The following ADAT2 variants were observed in gnomAD, a reference collection of about 807,000 sequenced individuals.
The protein encoded by ADAT2 is tRNA-specific adenosine-34 deaminase catalytic subunit ADAT2.
Under a neutral mutation model 25.9 loss-of-function variants are expected in ADAT2, and 26 were observed. The observed-to-expected ratio is 1.00, with a 90% CI of 0.74 to 1.39. The LOEUF is 1.39. ADAT2 is among the 40% of genes most tolerant of loss of function. ADAT2 has a pLI of 0.00. For synonymous variants in ADAT2, 76 were observed against 86.8 expected (o/e 0.88, Z 0.69); for missense variants, 220 against 244.8 (o/e 0.90, Z 0.68).
chr6:143,440,180 C>T lies in ADAT2; in HGVS notation c.97-1486G>A, dbSNP rs527744442. On this transcript the variant is annotated intron_variant, in intron 1 of 5. Transcript: ENST00000237283. The surrounding 1 kb of genome is among the most constrained non-coding windows in gnomAD (Gnocchi z 4.5). The stretch of plus-strand genomic sequence containing the variant: ...TGCTGTACAGCTGTTTCCAGAAAGG[C>T]AAGGTATTCCTTACTGTGGCAGCCC... 5.1e-4 allele frequency among the ~76,000 whole-genome samples: 77 copies of T among 152,248 alleles called. No individual in the cohort carries two copies. The highest frequency in any genetic ancestry group is 2.2e-3 in the Admixed American group (34 of 15,296).
At position 143,428,652 on chromosome 6, in the gene ADAT2, C is replaced by A; in HGVS notation, c.492G>T (p.Val164=). 1 of 1,614,000 alleles carries A rather than the reference C, an allele frequency of 6.2e-7. No homozygotes were observed. Among genetic ancestry groups the A allele is most frequent in the East Asian group, 2.2e-5 (1 of 44,850 alleles). ...GTTTGTAGAAGGTCTTTAACATTTC[C>A]ACTGCTTCCTCAGCCCGATATCCAG... The part of the protein sequence containing the change: ...CIPGYRAEEA[V]EMLKTFYKQE... Residue 164 remains valine, a synonymous_variant, in exon 5 of 6, where the codon GTG becomes GTT. Transcript: ENST00000237283. This position sits in a 1 kb window ranked among gnomAD's most constrained non-coding sequence, Gnocchi z 5.0.
chr6:143,434,056 A>G lies in ADAT2; in HGVS notation c.202-75T>C. On this transcript the variant is annotated intron_variant, in intron 2 of 5. Transcript: ENST00000237283. This position sits in a 1 kb window ranked among gnomAD's most constrained non-coding sequence, Gnocchi z 4.5. ...CTATTTTACAAATATACAAAAACTAAGTACAAAATATGCGCCTATCCTTTC... is the reference window on the plus strand; with the variant it reads ...CTATTTTACAAATATACAAAAACTAGGTACAAAATATGCGCCTATCCTTTC... 1 of 1,560,884 alleles carries G rather than the reference A, an allele frequency of 6.4e-7. No individual in the cohort carries two copies. The highest frequency in any genetic ancestry group is 8.7e-7 in the Non-Finnish European group (1 of 1,147,402).
intron 1 of ADAT2, chr6:143,441,314 T>C (rs1054210569): frequency 6.6e-6 from 1 of 152,140 alleles, no homozygotes; most frequent in Admixed American, 6.5e-5. Flanking sequence ...TATAAAGGAC[T>C]CTTAAAACTC....
At chr6:143,438,537 C>T (rs887680693) in intron 2 of ADAT2, 53 bp downstream of exon 2, 5 of 1,406,876 alleles carry the variant, frequency 3.6e-6, no homozygotes, top group South Asian at 3.5e-5. Context: ...AAATTCTCTC[C>T]AGTCCACCCA....
chr6:143,447,029 T>C (rs1300503909), intron 1 of ADAT2, among the ~76,000 whole-genome samples: 1 of 152,218 alleles, frequency 6.6e-6, no homozygotes, highest in Non-Finnish European at 1.5e-5. Context: ...TGCTTAGCTC[T>C]CAGAAAGAAA....
At chr6:143,450,514 G>A (rs764407800) in intron 1 of ADAT2, 49 bp downstream of exon 1, 3 of 1,591,270 alleles carry the variant, frequency 1.9e-6, no homozygotes, top group Non-Finnish European at 2.6e-6. Flanking sequence ...TCGGGTTGAG[G>A]GCTGGAGAAA....
At position 143,440,088 on chromosome 6, in the gene ADAT2, G is replaced by A. The variant is rs967019478; in HGVS notation, c.97-1394C>T. On this transcript the variant is annotated intron_variant, in intron 1 of 5. Transcript: ENST00000237283. This position sits in a 1 kb window ranked among gnomAD's most constrained non-coding sequence, Gnocchi z 4.5. ...ATACTGCCTCTGAGAGTCAGAATAA[G>A]GGAAGAGTACAACCCTTGGACTAGT... Among the ~76,000 whole-genome samples the A allele has an allele frequency of 2.0e-5, 3 of 152,130 alleles. No homozygotes were observed. Among genetic ancestry groups the A allele is most frequent in the African/African-American group, 7.2e-5 (3 of 41,422 alleles).
At position 143,442,311 on chromosome 6, in the gene ADAT2, G is replaced by A. The variant is rs1045730376; in HGVS notation, c.97-3617C>T. Reference sequence around the variant, plus strand: ...TGAATGGAGAAAGCCAAGCCAAATGGTTACAGATTCATGTACATAGCATTT... The same window carrying A: ...TGAATGGAGAAAGCCAAGCCAAATGATTACAGATTCATGTACATAGCATTT... On this transcript the variant is annotated intron_variant, in intron 1 of 5. Coordinates refer to ENST00000237283, the MANE Select transcript of ADAT2 (RefSeq NM_182503.3). This position sits in a 1 kb window ranked among gnomAD's most constrained non-coding sequence, Gnocchi z 4.6. Among the ~76,000 whole-genome samples the A allele has an allele frequency of 1.3e-5, 2 of 151,760 alleles. No homozygotes were observed. Among genetic ancestry groups the A allele is most frequent in the African/African-American group, 4.9e-5 (2 of 41,230 alleles).
In ADAT2 at chr6:143,444,347, G is replaced by A. The variant is rs561590376; in HGVS notation, c.97-5653C>T. 2.0e-5 allele frequency among the ~76,000 whole-genome samples: 3 copies of A among 152,296 alleles called. 1 individual carries two copies. In the East Asian group the frequency reaches 5.8e-4, roughly 29 times the overall value. ...GGTAAGCAACTGGAATGGTAGGCAG[G>A]GGAGGGGGCGGTGAGAATAACACAA... On this transcript the variant is annotated intron_variant, in intron 1 of 5. Transcript: ENST00000237283. This position sits in a 1 kb window ranked among gnomAD's most constrained non-coding sequence, Gnocchi z 4.3.
intron 1 of ADAT2, among the ~76,000 whole-genome samples, chr6:143,441,138 G>A (rs989906741): frequency 1.3e-5 from 2 of 152,162 alleles, no homozygotes; most frequent in South Asian, 2.1e-4. Flanking sequence ...CTGGCCTCCA[G>A]AACTATAAGA....
rs982795823 is a variant in ADAT2 at position 143,425,940 on chromosome 6, T to C, written c.*2523A>G. On this transcript the variant is annotated 3_prime_UTR_variant, in exon 6 of 6. Transcript: ENST00000237283. ...GTAACAAGAAAGCACAAAGATATTT[T>C]AACATGATCTTTTATCAGTGATTGA... 1 of 152,572 alleles carries C rather than the reference T, an allele frequency of 6.6e-6. No individual in the cohort carries two copies. The highest frequency in any genetic ancestry group is 2.4e-5 in the African/African-American group (1 of 41,422). The allele number at this position is 152,572 out of a possible 1,614,324, so 9.5% of individuals were successfully genotyped here. A position where few individuals can be genotyped will look rare whatever the true frequency, so the allele number is the denominator to read the frequency against.
chr6:143,425,733 T>TGTGTG lies in ADAT2; in HGVS notation c.*2729_*2730insCACAC, dbSNP rs1778912429. On this transcript the variant is annotated 3_prime_UTR_variant, in exon 6 of 6. Coordinates refer to ENST00000237283, the MANE Select transcript of ADAT2 (RefSeq NM_182503.3). ...GGTAAAGGGCCATGGTGTGTTGTGT[T>TGTGTG]TGTGTGTGTGTGTGTGTGTGTGTGT... 1.0e-4 allele frequency: 14 copies of TGTGTG among 136,586 alleles called. No individual in the cohort carries two copies. The East Asian group carries it at 1.4e-3, about 13-fold the overall frequency. 8.5% of individuals were successfully genotyped at this position (136,586 alleles called of 1,614,324 possible).
intron 1 of ADAT2, among the ~76,000 whole-genome samples, chr6:143,439,990 T>C (rs1400035249): frequency 6.6e-6 from 1 of 152,184 alleles, no homozygotes; most frequent in Non-Finnish European, 1.5e-5. Flanking sequence ...ATAGCAGCTC[T>C]GGGCCCTAGG....
At position 143,428,680 on chromosome 6, in the gene ADAT2, A is replaced by T; in HGVS notation, c.464T>A (p.Ile155Asn). Reference sequence around the variant, plus strand: ...TGCTTCCTCAGCCCGATATCCAGGGATACACTGATGGAATGAGAAAGTTGA... The same window carrying T: ...TGCTTCCTCAGCCCGATATCCAGGGTTACACTGATGGAATGAGAAAGTTGA... ...LPNTGRPFQCIPGYRAEEAVE... is the reference protein window; with the variant it reads ...LPNTGRPFQCNPGYRAEEAVE... Residue 155 changes from isoleucine to asparagine, a missense_variant, in exon 5 of 6, where the codon ATC (isoleucine) becomes AAC (asparagine). Coordinates refer to ENST00000237283, the MANE Select transcript of ADAT2 (RefSeq NM_182503.3). The surrounding 1 kb of genome is among the most constrained non-coding windows in gnomAD (Gnocchi z 5.0). The T allele has an allele frequency of 6.2e-7, 1 of 1,613,992 alleles. No homozygotes were observed. Among genetic ancestry groups the T allele is most frequent in the African/African-American group, 1.3e-5 (1 of 75,056 alleles).
At position 143,432,483 on chromosome 6, in the gene ADAT2, A is replaced by G; in HGVS notation, c.459+22T>C. ...ATGAAAATAATTAGCAAGAAAGAAA[A>G]AGCATAAGCAGTTTGTATTACCTGA... On this transcript the variant is annotated intron_variant, in intron 4 of 5. Coordinates refer to ENST00000237283, the MANE Select transcript of ADAT2 (RefSeq NM_182503.3). This position sits in a 1 kb window ranked among gnomAD's most constrained non-coding sequence, Gnocchi z 4.4. 1 of 1,596,528 alleles carries G rather than the reference A, an allele frequency of 6.3e-7. No individual in the cohort carries two copies. The highest frequency in any genetic ancestry group is 8.6e-7 in the Non-Finnish European group (1 of 1,164,070).
chr6:143,447,452 A>G (rs1377304836), intron 1 of ADAT2, among the ~76,000 whole-genome samples: 3 of 152,198 alleles, frequency 2.0e-5, no homozygotes, highest in Non-Finnish European at 4.4e-5. Flanking sequence ...GCTGATAATC[A>G]AAAAGAGAAC....
At chr6:143,430,603 C>G (rs1230885545) in intron 4 of ADAT2, among the ~76,000 whole-genome samples, 2 of 152,066 alleles carry the variant, frequency 1.3e-5, no homozygotes, top group African/African-American at 4.8e-5. Context: ...ACTCTGTCGC[C>G]CAGGCTGGAG....
rs564103702 is a variant in ADAT2, at chr6:143,450,639, G to A, written c.20C>T (p.Pro7Leu). ...GCACGCGCCGCTTGCAGCTGGCTTG[G>A]GTGCCGCCTTCGCCTCCATACCCAG... is the stretch of plus-strand genomic sequence containing the variant. The part of the protein sequence containing the change: MEAKAA[P>L]KPAASGACSV... Residue 7 changes from proline (P) to leucine (L), a missense_variant, in exon 1 of 6, where the codon CCC (proline) becomes CTC (leucine). Transcript: ENST00000237283. 1.3e-5 allele frequency: 21 copies of A among 1,613,784 alleles called. No individual in the cohort carries two copies. The South Asian group carries it at 1.6e-4, about 13-fold the overall frequency.
intron 1 of ADAT2, 126 bp downstream of exon 1, chr6:143,450,437 C>T: frequency 9.8e-7 from 1 of 1,023,440 alleles, no homozygotes; most frequent in African/African-American, 1.6e-5. Flanking sequence ...GCCAGTTGTT[C>T]ACCCAGAACA....
Sources: allele counts gnomAD v4.1 joint callset (sites outside exome capture counted in the v4.1 genomes callset), GRCh38; gene constraint gnomAD v4.1.1; non-coding constraint Gnocchi (gnomAD v3.1); transcripts MANE v1.5; gene names NCBI Gene and HGNC (gene_info 2026-07-23, HGNC 2026-07-21).